The following TCERG1L variants were observed in gnomAD, a reference collection of about 807,000 sequenced individuals.
TCERG1L encodes transcription elongation regulator 1 like, also known as transcription elongation regulator 1-like protein.
TCERG1L carries 37 observed loss-of-function variants against 56.3 expected under a neutral mutation model. The ratio of observed to expected loss-of-function variants is 0.66; its 90% confidence interval spans 0.51 to 0.87. TCERG1L has a LOEUF of 0.87. TCERG1L is among the 40% of genes least tolerant of loss of function. The pLI is 0.00. For synonymous variants in TCERG1L, 324 were observed against 326.3 expected, an observed-to-expected ratio of 0.99 and a Z score of 0.08; for missense variants, 799 against 774.2, an observed-to-expected ratio of 1.03 and a Z score of -0.38.
intron 10 of TCERG1L, among the ~76,000 whole-genome samples, chr10:131,100,636 T>C (rs1165185283): frequency 6.6e-6 from 1 of 152,160 alleles, no homozygotes; most frequent in Non-Finnish European, 1.5e-5. Flanking sequence ...TGATTCACAC[T>C]CCCTCGACCC....
At chr10:131,107,373 G>A (rs1367174969) in intron 9 of TCERG1L, among the ~76,000 whole-genome samples, 1 of 152,158 alleles carries the variant, frequency 6.6e-6, no homozygotes, top group Non-Finnish European at 1.5e-5. Context: ...TTTTGCCCCC[G>A]AAGGGATTTA....
At chr10:131,130,945 G>A (rs1845612087) in intron 8 of TCERG1L, among the ~76,000 whole-genome samples, 1 of 152,138 alleles carries the variant, frequency 6.6e-6, no homozygotes, top group African/African-American at 2.4e-5. Flanking sequence ...ATAAATATGG[G>A]GTAACTGAAT....
chr10:131,240,484 G>A (rs914747217), intron 4 of TCERG1L, among the ~76,000 whole-genome samples: 1 of 152,138 alleles, frequency 6.6e-6, no homozygotes, highest in Non-Finnish European at 1.5e-5. Flanking sequence ...CCAAAGCACC[G>A]ACCACAATCC....
At position 131,103,746 on chromosome 10, in the gene TCERG1L, G is replaced by A. The variant is rs1314201274; in HGVS notation, c.1485+519C>T. ...TTTTGACGGCCTTGTGTGCAAGACT[G>A]TGGTTCTTGTAGAGTCTTTTTAGTT... On this transcript the variant is annotated intron_variant, in intron 10 of 11. Coordinates refer to ENST00000368642, the MANE Select transcript of TCERG1L (RefSeq NM_174937.4). The surrounding 1 kb of genome is among the most constrained non-coding windows in gnomAD (Gnocchi z 4.3). Among the ~76,000 whole-genome samples, 1 of 152,186 alleles carries A rather than the reference G, an allele frequency of 6.6e-6. No individual in the cohort carries two copies. Among genetic ancestry groups the A allele is most frequent in the Non-Finnish European group, 1.5e-5 (1 of 68,040 alleles).
At chr10:131,194,830 G>C (rs928109623) in intron 4 of TCERG1L, among the ~76,000 whole-genome samples, 4 of 152,124 alleles carry the variant, frequency 2.6e-5, no homozygotes, top group African/African-American at 9.7e-5. Flanking sequence ...TGTGCCTACG[G>C]ATATCTGAGT....
intron 4 of TCERG1L, among the ~76,000 whole-genome samples, chr10:131,200,036 T>G (rs908250390): frequency 6.6e-6 from 1 of 152,268 alleles, no homozygotes; most frequent in Non-Finnish European, 1.5e-5. Context: ...TCTATATCAC[T>G]ACTTTTCCCG....
chr10:131,129,647 A>G (rs1250051063), intron 8 of TCERG1L, among the ~76,000 whole-genome samples: 1 of 152,140 alleles, frequency 6.6e-6, no homozygotes, highest in East Asian at 1.9e-4. Context: ...TACGCCACCT[A>G]TCTCTCCTAT....
chr10:131,246,003 C>G (rs571995097), intron 4 of TCERG1L, among the ~76,000 whole-genome samples: 2 of 152,270 alleles, frequency 1.3e-5, no homozygotes, highest in South Asian at 4.1e-4. Context: ...CCGAGAGCCC[C>G]CCAAGTGTCG....
intron 1 of TCERG1L, among the ~76,000 whole-genome samples, chr10:131,309,711 AT>A (rs1846858220): frequency 6.6e-6 from 1 of 151,938 alleles, no homozygotes. Flanking sequence ...TCAGCATTGC[AT>A]TTTGTATTAA....
chr10:131,174,069 A>T (rs1846120753), intron 4 of TCERG1L, among the ~76,000 whole-genome samples: 1 of 152,096 alleles, frequency 6.6e-6, no homozygotes, highest in African/African-American at 2.4e-5. Flanking sequence ...GGTCCGGAAG[A>T]GCCAGGGTCC....
intron 4 of TCERG1L, among the ~76,000 whole-genome samples, chr10:131,251,779 T>C (rs957397385): frequency 7.2e-5 from 11 of 152,206 alleles, no homozygotes; most frequent in Non-Finnish European, 1.3e-4. Context: ...TGGTAAAATA[T>C]ACATAACATG....
chr10:131,146,754 C>T (rs1235716704), intron 6 of TCERG1L, 94 bp from the exon 7 acceptor site: 27 of 1,397,092 alleles, frequency 1.9e-5, no homozygotes, highest in Non-Finnish European at 2.6e-5. Flanking sequence ...CCCCTCAGGA[C>T]CGAAATCCAC....
At chr10:131,101,767 C>G (rs1488297459) in intron 10 of TCERG1L, among the ~76,000 whole-genome samples, 3 of 151,946 alleles carry the variant, frequency 2.0e-5, no homozygotes, top group Non-Finnish European at 2.9e-5. Flanking sequence ...GTGGCGTGAT[C>G]TCGGCTCACT....
At chr10:131,102,296 G>A (rs543987855) in intron 10 of TCERG1L, among the ~76,000 whole-genome samples, 7 of 152,234 alleles carry the variant, frequency 4.6e-5, no homozygotes, top group Admixed American at 3.3e-4. Flanking sequence ...CACACTGCCC[G>A]GCCTACCCCT....
intron 4 of TCERG1L, among the ~76,000 whole-genome samples, chr10:131,176,957 TACACACAGAG>T (rs1589737814): frequency 0.067 from 2,524 of 37,872 alleles, no homozygotes; most frequent in Middle Eastern, 0.11. Context: ...AAGACACGTG[TACACACAGAG>T]ACACATGAAC....
In TCERG1L at chr10:131,134,396, C is replaced by T; in HGVS notation, c.1242G>A (p.Val414=). ...SSEDNREDQD[V]KTKRNRTEGC... ...CCACCTACCGGTTCCTCTTGGTTTT[C>T]ACATCTTGGTCTTCCCTGTTGTCTT... The change falls in exon 8 of 12, where the codon GTG becomes GTA. Residue 414 remains valine (V), a synonymous_variant. Coordinates refer to ENST00000368642, the MANE Select transcript of TCERG1L (RefSeq NM_174937.4). The T allele has an allele frequency of 6.3e-7, 1 of 1,593,128 alleles. No individual in the cohort carries two copies. Among genetic ancestry groups the T allele is most frequent in the South Asian group, 1.1e-5 (1 of 87,118 alleles).
chr10:131,275,374 C>T (rs962286585), intron 3 of TCERG1L, among the ~76,000 whole-genome samples: 5 of 152,234 alleles, frequency 3.3e-5, no homozygotes, highest in Non-Finnish European at 5.9e-5. Flanking sequence ...GAGTGTGGTA[C>T]TCTCACTAAG....
chr10:131,145,755 C>T (rs752258752), intron 7 of TCERG1L, among the ~76,000 whole-genome samples: 14 of 152,212 alleles, frequency 9.2e-5, no homozygotes, highest in Non-Finnish European at 1.6e-4. Context: ...ACTGGCCTGG[C>T]CTTGTAGCCA....
chr10:131,282,760 G>A (rs1564833286), intron 3 of TCERG1L, among the ~76,000 whole-genome samples: 1 of 152,146 alleles, frequency 6.6e-6, no homozygotes, highest in Non-Finnish European at 1.5e-5. Context: ...TCAGGCTTTG[G>A]AGAACCAGCA....
Sources: gnomAD v4.1 joint callset for allele counts (sites outside exome capture counted in the v4.1 genomes callset) on GRCh38, gnomAD v4.1.1 for gene constraint, Gnocchi (gnomAD v3.1) non-coding constraint, MANE v1.5 for transcripts, NCBI Gene and HGNC (gene_info 2026-07-23, HGNC 2026-07-21) for gene names.